The following TRAPPC9 variants were observed in gnomAD, a reference collection of about 807,000 sequenced individuals.
TRAPPC9 encodes trafficking protein particle complex subunit 9.
TRAPPC9 carries 83 observed loss-of-function variants against 124.0 expected under a neutral mutation model. The ratio of observed to expected loss-of-function variants is 0.67; its 90% CI spans 0.56 to 0.80. The LOEUF (loss-of-function observed/expected upper bound fraction) is 0.80. Among genes scored for constraint, TRAPPC9 ranks in the 30% least tolerant of loss-of-function variants. TRAPPC9 has a pLI of 0.00. For missense variants in TRAPPC9, 1,302 were observed against 1,508.3 expected, an observed-to-expected ratio of 0.86 and a Z score of 2.27; for synonymous variants, 638 against 617.5, an observed-to-expected ratio of 1.03 and a Z score of -0.49.
chr8:139,947,907 T>TATATATATATAGAGAGAGAG, intron 19 of TRAPPC9, among the ~76,000 whole-genome samples: 1 of 60,378 alleles, frequency 1.7e-5, no homozygotes, highest in East Asian at 4.4e-4. Context: ...TATATATATA[T>TATATATATATAGAGAGAGAG]AGAGAGAGAG....
chr8:140,122,023 T>TCTC (rs1563777112), intron 17 of TRAPPC9, among the ~76,000 whole-genome samples: 3,777 of 138,476 alleles, frequency 0.027, 74 homozygotes, highest in Middle Eastern at 0.081. Flanking sequence ...CTTTCTTTCT[T>TCTC]TCTCTCTCTC....
chr8:140,401,573 T>A (rs927238111), intron 6 of TRAPPC9, among the ~76,000 whole-genome samples: 1 of 152,220 alleles, frequency 6.6e-6, no homozygotes, highest in African/African-American at 2.4e-5. Context: ...TATTTTTGGT[T>A]AAATTTACAT....
intron 21 of TRAPPC9, among the ~76,000 whole-genome samples, chr8:139,802,170 G>C (rs1175748249): frequency 6.6e-6 from 1 of 152,218 alleles, no homozygotes; most frequent in Non-Finnish European, 1.5e-5. Context: ...CTCTGTGCCA[G>C]GCGGGGAGCA....
At chr8:139,783,948 C>T (rs1247535557) in intron 21 of TRAPPC9, among the ~76,000 whole-genome samples, 1 of 152,138 alleles carries the variant, frequency 6.6e-6, no homozygotes, top group Non-Finnish European at 1.5e-5. Context: ...ACATTCATTC[C>T]TGATTGAAAA....
At chr8:140,406,489 A>C (rs2069494172) in intron 5 of TRAPPC9, among the ~76,000 whole-genome samples, 2 of 152,198 alleles carry the variant, frequency 1.3e-5, no homozygotes, top group South Asian at 4.2e-4. Flanking sequence ...GTATAACCTC[A>C]CAAGGCCAAA....
In TRAPPC9 at chr8:140,455,885, G is replaced by A. The variant is rs142687093; in HGVS notation, c.-11+1754C>T. 3.2e-3 allele frequency among the ~76,000 whole-genome samples: 483 copies of A among 152,336 alleles called. 2 individuals carry two copies. Among genetic ancestry groups the A allele is most frequent in the African/African-American group, 0.011 (464 of 41,588 alleles). On this transcript the variant is annotated intron_variant, in intron 1 of 22. Coordinates refer to ENST00000438773, the MANE Select transcript of TRAPPC9 (RefSeq NM_001160372.4). Reference sequence around the variant, plus strand: ...AAGCCACAACATGAATAACTTTAGAGCACTGTGCTGAATGAAAGAAGCTAA... The same window carrying A: ...AAGCCACAACATGAATAACTTTAGAACACTGTGCTGAATGAAAGAAGCTAA...
At chr8:140,105,530 G>A (rs2060647752) in intron 17 of TRAPPC9, among the ~76,000 whole-genome samples, 1 of 152,170 alleles carries the variant, frequency 6.6e-6, no homozygotes, top group Admixed American at 6.5e-5. Flanking sequence ...AGCGCCATGT[G>A]TATAAACCCT....
chr8:139,801,199 T>G (rs1005817694), intron 21 of TRAPPC9, among the ~76,000 whole-genome samples: 5 of 152,178 alleles, frequency 3.3e-5, no homozygotes, highest in African/African-American at 1.2e-4. Flanking sequence ...GCCAGAGGAA[T>G]GAGGGTGGGG....
At chr8:140,253,014 T>G in intron 15 of TRAPPC9, 85 bp from the exon 16 acceptor site, 3 of 1,351,986 alleles carry the variant, frequency 2.2e-6, no homozygotes, top group Non-Finnish European at 3.1e-6. Flanking sequence ...TTCTGATGCA[T>G]TCTCAAAAGC....
chr8:139,731,055 G>A lies in TRAPPC9; in HGVS notation c.*6C>T, dbSNP rs1344954505. The A allele has an allele frequency of 8.1e-6, 13 of 1,612,002 alleles. No homozygotes were observed. Among genetic ancestry groups the A allele is most frequent in the Non-Finnish European group, 1.1e-5 (13 of 1,179,900 alleles). ...CCTGCAGAAAGAGGGACGGAAGTAG[G>A]CGGGCTCAGGCCTGCGCCTCCAGGG... On this transcript the variant is annotated 3_prime_UTR_variant, in exon 23 of 23. Coordinates refer to ENST00000438773, the MANE Select transcript of TRAPPC9 (RefSeq NM_001160372.4).
intron 7 of TRAPPC9, among the ~76,000 whole-genome samples, chr8:140,394,639 A>G (rs2069033632): frequency 6.6e-6 from 1 of 151,680 alleles, no homozygotes; most frequent in Admixed American, 6.6e-5. Context: ...ACTTTTATGC[A>G]AGACCTGTGA....
At chr8:140,337,866 C>A (rs1337633301) in intron 9 of TRAPPC9, among the ~76,000 whole-genome samples, 2 of 152,182 alleles carry the variant, frequency 1.3e-5, no homozygotes, top group Non-Finnish European at 2.9e-5. Context: ...GGGCCGGGCA[C>A]CCTGTTGCCT....
chr8:140,442,793 G>A (rs1588364818), intron 2 of TRAPPC9, among the ~76,000 whole-genome samples: 1 of 152,012 alleles, frequency 6.6e-6, no homozygotes, highest in Admixed American at 6.6e-5. Flanking sequence ...AGGGAACCTG[G>A]ATAGAGAGAA....
At chr8:140,037,316 G>A (rs1311482289) in intron 17 of TRAPPC9, among the ~76,000 whole-genome samples, 1 of 151,786 alleles carries the variant, frequency 6.6e-6, no homozygotes, top group Non-Finnish European at 1.5e-5. Context: ...CCTGGCGTTT[G>A]GAAAGAGTGC....
chr8:140,019,706 C>A (rs191548860), intron 18 of TRAPPC9, among the ~76,000 whole-genome samples: 1 of 151,780 alleles, frequency 6.6e-6, no homozygotes, highest in Non-Finnish European at 1.5e-5. Flanking sequence ...GCATGCACCA[C>A]GTGCCCAGCT....
intron 17 of TRAPPC9, among the ~76,000 whole-genome samples, chr8:140,083,213 T>C (rs1314199595): frequency 6.6e-6 from 1 of 151,974 alleles, no homozygotes; most frequent in East Asian, 1.9e-4. Context: ...ATTCACATCT[T>C]TGGACTCAGT....
chr8:139,995,238 T>C (rs1309577138), intron 18 of TRAPPC9, among the ~76,000 whole-genome samples: 2 of 152,200 alleles, frequency 1.3e-5, no homozygotes, highest in Non-Finnish European at 2.9e-5. Context: ...AGGCGTGCCC[T>C]GTGTATAGCC....
intron 2 of TRAPPC9, among the ~76,000 whole-genome samples, chr8:140,447,464 C>A (rs956631017): frequency 6.6e-6 from 1 of 151,382 alleles, no homozygotes; most frequent in African/African-American, 2.4e-5. Context: ...ACTCACAGGG[C>A]AGTATGACAG....
At chr8:140,157,058 GCCTCCCTTTCCATTCAA>G (rs2061654119) in intron 17 of TRAPPC9, among the ~76,000 whole-genome samples, 14 of 96,512 alleles carry the variant, frequency 1.5e-4, no homozygotes, top group African/African-American at 2.0e-4. Context: ...CCATTCAAAA[GCCTCCCTTTCCATTCAA>G]AAGCCTCCCT....
Sources: gnomAD v4.1 joint callset for allele counts (sites outside exome capture counted in the v4.1 genomes callset) on GRCh38, gnomAD v4.1.1 for gene constraint, MANE v1.5 for transcripts, NCBI Gene and HGNC (gene_info 2026-07-23, HGNC 2026-07-21) for gene names.